The following DNAAF5 variants were observed in gnomAD, a reference collection of about 807,000 sequenced individuals.
The protein encoded by DNAAF5 is dynein axonemal assembly factor 5, also known as HEAT repeat containing 2.
Under a neutral mutation model 75.8 loss-of-function variants are expected in DNAAF5, and 64 were observed. That is an observed-to-expected ratio of 0.84 (90% CI 0.69 to 1.04). The LOEUF (loss-of-function observed/expected upper bound fraction) is 1.04. Among genes scored for constraint, DNAAF5 ranks in the 50% least tolerant of loss-of-function variants. The pLI is 0.00. For missense variants in DNAAF5, 1,269 were observed against 1,178.5 expected (o/e 1.08, Z -1.12); for synonymous variants, 657 against 557.2 (o/e 1.18, Z -2.52).
intron 4 of DNAAF5, among the ~76,000 whole-genome samples, chr7:746,355 C>T (rs1304235126): frequency 8.6e-6 from 1 of 115,726 alleles, no homozygotes; most frequent in African/African-American, 3.5e-5. Context: ...CCCTCCTTAC[C>T]GTCCTGCTGC....
rs1244570453 is a variant in DNAAF5, at chr7:729,956, A to G, written c.780+109A>G. 1.1e-5 allele frequency: 11 copies of G among 1,039,952 alleles called. 1 individual carries two copies. The highest frequency in any genetic ancestry group is 8.9e-5 in the Admixed American group (4 of 44,974). The allele number at this position is 1,039,952 out of a possible 1,614,324, so 64.4% of individuals were successfully genotyped here. Reference sequence around the variant, plus strand: ...CTTTTTTCAGAGTGCTGTATGCACCAAATGTCCTTTCATTATTCCTAGTCA... The same window carrying G: ...CTTTTTTCAGAGTGCTGTATGCACCGAATGTCCTTTCATTATTCCTAGTCA... On this transcript the variant is annotated intron_variant, in intron 2 of 12. Coordinates refer to ENST00000297440, the MANE Select transcript of DNAAF5 (RefSeq NM_017802.4).
intron 1 of DNAAF5, among the ~76,000 whole-genome samples, chr7:729,397 C>A (rs1781487132): frequency 6.6e-6 from 1 of 152,232 alleles, no homozygotes; most frequent in Non-Finnish European, 1.5e-5. Context: ...GCACCCCCAG[C>A]CTTTCCCCGC....
chr7:769,138 GC>G (rs760228750), intron 8 of DNAAF5: 1 of 770,026 alleles, frequency 1.3e-6, no homozygotes, highest in Non-Finnish European at 2.4e-6. Flanking sequence ...CTACCGAGCA[GC>G]CTGCTCTGAT....
chr7:761,996 C>CTTGAGCCCCAGGCCTCAAACATGT, intron 7 of DNAAF5, 100 bp downstream of exon 7: 22 of 100,172 alleles, frequency 2.2e-4, no homozygotes, highest in Non-Finnish European at 2.3e-4. Flanking sequence ...CCCCTCTGTG[C>CTTGAGCCCCAGGCCTCAAACATGT]TTGACCAGCA....
intron 2 of DNAAF5, among the ~76,000 whole-genome samples, chr7:733,589 C>T (rs1221367419): frequency 3.3e-5 from 5 of 152,164 alleles, no homozygotes; most frequent in African/African-American, 1.2e-4. Flanking sequence ...CTCCGCCTCC[C>T]AGGTTCACGC....
chr7:763,286 G>A (rs1782722733), intron 7 of DNAAF5, among the ~76,000 whole-genome samples: 1 of 152,160 alleles, frequency 6.6e-6, no homozygotes, highest in African/African-American at 2.4e-5. Flanking sequence ...TCCAGGCTTG[G>A]GGCAATGGCC....
intron 8 of DNAAF5, chr7:769,261 G>A (rs1778470384): frequency 1.4e-6 from 1 of 723,860 alleles, no homozygotes; most frequent in Non-Finnish European, 2.6e-6. Context: ...CTGGCCCGGG[G>A]CCAGAGCGCC....
intron 11 of DNAAF5, among the ~76,000 whole-genome samples, chr7:779,708 G>C (rs960391821): frequency 1.3e-5 from 2 of 152,330 alleles, no homozygotes; most frequent in East Asian, 1.9e-4. Flanking sequence ...CTGCAGGACA[G>C]GTTATTACAG....
intron 11 of DNAAF5, among the ~76,000 whole-genome samples, chr7:776,492 G>A (rs1370195947): frequency 6.6e-6 from 1 of 152,174 alleles, no homozygotes; most frequent in Non-Finnish European, 1.5e-5. Flanking sequence ...GGGTGACAAG[G>A]CTCAGCTTCC....
At chr7:764,106 C>A in intron 8 of DNAAF5, 132 bp downstream of exon 8, 1 of 929,878 alleles carries the variant, frequency 1.1e-6, no homozygotes. Context: ...GTTAAAAGTA[C>A]CCAATAGTCA....
At chr7:769,090 C>T (rs1374109856) in intron 8 of DNAAF5, 3 of 728,552 alleles carry the variant, frequency 4.1e-6, no homozygotes, top group East Asian at 5.1e-5. Flanking sequence ...TACATTGCGT[C>T]TCCGTGTGGC....
At chr7:776,847 G>C (rs1197975381) in intron 11 of DNAAF5, among the ~76,000 whole-genome samples, 3 of 152,236 alleles carry the variant, frequency 2.0e-5, no homozygotes, top group African/African-American at 7.2e-5. Context: ...ACAGCAGGAG[G>C]TGAGAGGTGG....
At chr7:775,208 C>T in intron 11 of DNAAF5, 46 bp downstream of exon 11, 4 of 1,577,680 alleles carry the variant, frequency 2.5e-6, no homozygotes, top group Non-Finnish European at 3.5e-6. Flanking sequence ...GCAGTCAGCC[C>T]TCCGTGTCCC....
chr7:757,193 G>A (rs1249837752), intron 6 of DNAAF5, among the ~76,000 whole-genome samples, 199 bp downstream of exon 6: 1 of 152,240 alleles, frequency 6.6e-6, no homozygotes, highest in Admixed American at 6.5e-5. Context: ...GAGTGCCCTC[G>A]CTGATAGCCC....
intron 12 of DNAAF5, among the ~76,000 whole-genome samples, chr7:785,233 C>T (rs1779109360): frequency 6.7e-6 from 1 of 148,504 alleles, no homozygotes; most frequent in Non-Finnish European, 1.5e-5. Context: ...GGTCCCCATC[C>T]AGCAGCGTCA....
intron 7 of DNAAF5, among the ~76,000 whole-genome samples, chr7:763,074 T>C (rs977361757): frequency 6.6e-6 from 1 of 152,172 alleles, no homozygotes; most frequent in Non-Finnish European, 1.5e-5. Flanking sequence ...CTGGGAGATT[T>C]ACGGCCTGAA....
At chr7:772,569 G>A (rs374579353) in intron 9 of DNAAF5, 64 of 152,348 alleles carry the variant, frequency 4.2e-4, no homozygotes, top group African/African-American at 1.4e-3. Context: ...CAGGGAACCC[G>A]GAGCACCAGC....
chr7:751,455 G>A (rs1009950466), intron 4 of DNAAF5, among the ~76,000 whole-genome samples: 12 of 151,942 alleles, frequency 7.9e-5, no homozygotes, highest in Non-Finnish European at 1.5e-4. Context: ...AGCTGTGATC[G>A]TACCACTGCA....
At chr7:755,235 G>A (rs921471848) in intron 5 of DNAAF5, among the ~76,000 whole-genome samples, 5 of 152,192 alleles carry the variant, frequency 3.3e-5, no homozygotes, top group Non-Finnish European at 5.9e-5. Context: ...GACGGGGGAT[G>A]ATGGCACAGC....
Sources: allele counts gnomAD v4.1 joint callset (sites outside exome capture counted in the v4.1 genomes callset), GRCh38; gene constraint gnomAD v4.1.1; transcripts MANE v1.5; gene names NCBI Gene and HGNC (gene_info 2026-07-23, HGNC 2026-07-21).